FGD5: variants seen among roughly 807,000 people sequenced by gnomAD.
FGD5 encodes FYVE, RhoGEF and PH domain containing 5, also known as FYVE, RhoGEF and PH domain-containing protein 5.
In FGD5, 28 loss-of-function variants were observed where a neutral mutation model predicts 133.4. The observed-to-expected ratio is 0.21, with a 90% CI of 0.16 to 0.29. The LOEUF is 0.29. FGD5 is among the 10% of genes least tolerant of loss of function. The pLI is 1.00. For missense variants in FGD5, 1,858 were observed against 1,895.2 expected, an observed-to-expected ratio of 0.98 and a Z score of 0.36; for synonymous variants, 810 against 776.5, an observed-to-expected ratio of 1.04 and a Z score of -0.72.
rs562829714 is a variant in FGD5, at chr3:14,883,794, C to A, written c.2748+3022C>A. Among the ~76,000 whole-genome samples, 28 of 152,276 alleles carry A rather than the reference C, an allele frequency of 1.8e-4. No homozygotes were observed. The South Asian group carries it at 5.8e-3, about 32-fold the overall frequency. The stretch of plus-strand genomic sequence containing the variant: ...CATTACTCCATGTAAGTATAATTTG[C>A]AGAACTGTAGTTTTGTGCAGAATCT... On this transcript the variant is annotated intron_variant, in intron 4 of 19. Transcript: ENST00000285046.
At chr3:14,912,895 G>A (rs1367022504) in intron 11 of FGD5, among the ~76,000 whole-genome samples, 1 of 152,136 alleles carries the variant, frequency 6.6e-6, no homozygotes, top group Non-Finnish European at 1.5e-5. Context: ...AATGAGCCAG[G>A]CATGGTGGCG....
At chr3:14,925,117 A>AC in intron 17 of FGD5, among the ~76,000 whole-genome samples, 1 of 145,594 alleles carries the variant, frequency 6.9e-6, no homozygotes, top group South Asian at 2.2e-4. Flanking sequence ...AAAAAAAAAA[A>AC]AAAAAAAAAA....
At chr3:14,920,343 T>C (rs1450422914) in intron 13 of FGD5, 1 of 152,138 alleles carries the variant, frequency 6.6e-6, no homozygotes, top group Admixed American at 6.5e-5. Flanking sequence ...TGCACTCTCA[T>C]AGATGCATTT....
chr3:14,909,032 G>C (rs1481085703), intron 10 of FGD5, among the ~76,000 whole-genome samples: 1 of 149,974 alleles, frequency 6.7e-6, no homozygotes, highest in East Asian at 2.0e-4. Context: ...GCTGGAGTGC[G>C]ATCTTGGCTC....
At chr3:14,872,387 AT>A (rs1262981887) in intron 2 of FGD5, among the ~76,000 whole-genome samples, 1 of 152,226 alleles carries the variant, frequency 6.6e-6, no homozygotes, top group Non-Finnish European at 1.5e-5. Context: ...TTTATTTCTT[AT>A]AAGGGGTTAC....
chr3:14,872,961 T>C (rs777160751), intron 2 of FGD5, among the ~76,000 whole-genome samples: 2 of 152,206 alleles, frequency 1.3e-5, no homozygotes, highest in Admixed American at 6.5e-5. Flanking sequence ...AAAAACCTCA[T>C]GGCAGTGAGA....
chr3:14,815,256 GATGCCAAGTGAGTCCTAGCTTTCC>G (rs1468116830), upstream of FGD5, among the ~76,000 whole-genome samples: 1 of 151,754 alleles, frequency 6.6e-6, no homozygotes, highest in African/African-American at 2.4e-5. Context: ...CTGTTTCTTG[GATGCCAAGTGAGTCCTAGCTTTCC>G]TCACCACTTT....
At chr3:14,829,160 CT>C (rs2036657391) in intron 1 of FGD5, among the ~76,000 whole-genome samples, 1 of 152,056 alleles carries the variant, frequency 6.6e-6, no homozygotes, top group Admixed American at 6.5e-5. Context: ...AAAGCCTGCG[CT>C]TGAGTCTGGA....
At chr3:14,920,316 A>G (rs1451670762) in intron 13 of FGD5, 2 of 152,092 alleles carry the variant, frequency 1.3e-5, no homozygotes, top group Non-Finnish European at 2.9e-5. Context: ...AATGGGATCT[A>G]AATGCACTCA....
At chr3:14,877,948 A>G (rs1175049636) in intron 2 of FGD5, among the ~76,000 whole-genome samples, 3 of 152,208 alleles carry the variant, frequency 2.0e-5, no homozygotes, top group Admixed American at 2.0e-4. Context: ...AACAGCTTCT[A>G]CAGCAAAAAC....
At chr3:14,919,566 C>T (rs1183857988) in intron 13 of FGD5, among the ~76,000 whole-genome samples, 3 of 152,100 alleles carry the variant, frequency 2.0e-5, no homozygotes, top group Admixed American at 6.6e-5. Context: ...TGCAGTGAGC[C>T]GAGATTGCAC....
At chr3:14,893,267 T>A (rs1242883980) in intron 4 of FGD5, among the ~76,000 whole-genome samples, 1 of 152,222 alleles carries the variant, frequency 6.6e-6, no homozygotes, top group Non-Finnish European at 1.5e-5. Context: ...ATCAGTGTAC[T>A]TGGAATATTT....
At chr3:14,928,751 A>G (rs2038856137) in intron 18 of FGD5, among the ~76,000 whole-genome samples, 1 of 152,228 alleles carries the variant, frequency 6.6e-6, no homozygotes, top group South Asian at 2.1e-4. Context: ...TTAAAAAATA[A>G]TAATAATAAT....
At chr3:14,901,795 T>C (rs574277612) in intron 9 of FGD5, among the ~76,000 whole-genome samples, 2 of 152,230 alleles carry the variant, frequency 1.3e-5, no homozygotes, top group East Asian at 3.9e-4. Context: ...GGAAGGGAAA[T>C]TGCATTTATT....
intron 6 of FGD5, 127 bp downstream of exon 6, chr3:14,898,222 G>A: frequency 8.0e-7 from 1 of 1,252,154 alleles, no homozygotes; most frequent in South Asian, 1.4e-5. Context: ...GGAAGACCTG[G>A]CCAGAGGGAT....
intron 1 of FGD5, among the ~76,000 whole-genome samples, chr3:14,851,789 T>C (rs1038842937): frequency 2.0e-5 from 3 of 152,206 alleles, no homozygotes; most frequent in Non-Finnish European, 4.4e-5. Context: ...GTCACAGTTG[T>C]GTTTCCCTTT....
intron 9 of FGD5, among the ~76,000 whole-genome samples, chr3:14,902,250 C>G (rs201393456): frequency 6.6e-6 from 1 of 150,494 alleles, no homozygotes; most frequent in East Asian, 2.0e-4. Context: ...GCATTGCACT[C>G]CAGCCTGGGT....
chr3:14,813,385 T>C (rs2036323078), intron 1 of FGD5, among the ~76,000 whole-genome samples: 1 of 152,174 alleles, frequency 6.6e-6, no homozygotes, highest in African/African-American at 2.4e-5. Flanking sequence ...TGGACCAGCC[T>C]AACAGCAGCC....
Position 14,922,499 on chromosome 3 carries a change from G to T in FGD5, c.3758G>T (p.Cys1253Phe), listed in dbSNP as rs763717514. Residue 1253 changes from cysteine (C) to phenylalanine (F), a missense_variant, in exon 15 of 20, where the codon TGC becomes TTC. By Grantham distance (205) the Cys-to-Phe change is radical (BLOSUM62 -2). Around this residue, in one of 3 missense-constraint regions of FGD5, gnomAD observed 1,824 missense variants for 1,848.9 expected, o/e 0.99. Coordinates refer to ENST00000285046, the MANE Select transcript of FGD5 (RefSeq NM_152536.4). This position sits in a 1 kb window ranked among gnomAD's most constrained non-coding sequence, Gnocchi z 4.1. ...THVMMCMNCGCDFSLTLRRHH... is the reference protein window; with the variant it reads ...THVMMCMNCGFDFSLTLRRHH... ...GTCATGATGTGCATGAACTGCGGCT[G>T]CGACTTCTCCCTCACCCTGCGGCGT... 1.9e-6 allele frequency: 3 copies of T among 1,582,784 alleles called. No individual in the cohort carries two copies. The highest frequency in any genetic ancestry group is 2.6e-6 in the Non-Finnish European group (3 of 1,164,470).
Sources: allele counts gnomAD v4.1 joint callset (sites outside exome capture counted in the v4.1 genomes callset), GRCh38; gene constraint gnomAD v4.1.1; regional missense constraint gnomAD v4.1.1; non-coding constraint Gnocchi (gnomAD v3.1); transcripts MANE v1.5; gene names NCBI Gene and HGNC (gene_info 2026-07-23, HGNC 2026-07-21).